TRAPPC9: variants seen among roughly 807,000 people sequenced by gnomAD.
TRAPPC9 encodes IKK2 binding protein.
In TRAPPC9, 83 loss-of-function variants were observed where a neutral mutation model predicts 124.0. That is an observed-to-expected ratio of 0.67 (90% CI 0.56 to 0.80). The LOEUF is 0.80. Ranked by LOEUF, TRAPPC9 falls within the 30% of genes least tolerant of loss-of-function variation. The pLI is 0.00. For synonymous variants in TRAPPC9, 638 were observed against 617.5 expected (o/e 1.03, Z -0.49); for missense variants, 1,302 against 1,508.3 (o/e 0.86, Z 2.27).
chr8:140,315,105 T>C (rs2066407983), intron 9 of TRAPPC9, among the ~76,000 whole-genome samples: 1 of 152,214 alleles, frequency 6.6e-6, no homozygotes, highest in Non-Finnish European at 1.5e-5. Context: ...ACATTTCATC[T>C]TTTGACTTTT....
chr8:140,242,475 A>G (rs1393424018), intron 16 of TRAPPC9, among the ~76,000 whole-genome samples: 3 of 152,220 alleles, frequency 2.0e-5, no homozygotes, highest in Admixed American at 6.5e-5. Flanking sequence ...ACTTCCCAGC[A>G]GATGATAATG....
At chr8:139,943,695 A>G (rs1034826851) in intron 19 of TRAPPC9, among the ~76,000 whole-genome samples, 5 of 152,258 alleles carry the variant, frequency 3.3e-5, no homozygotes, top group African/African-American at 1.2e-4. Flanking sequence ...AGGAAAACTC[A>G]GCAGACAGAT....
chr8:139,796,072 G>GGAA (rs1823054233), intron 21 of TRAPPC9, among the ~76,000 whole-genome samples: 2 of 144,982 alleles, frequency 1.4e-5, no homozygotes, highest in African/African-American at 5.3e-5. Context: ...AAGAAGAGGA[G>GGAA]GAGGAAGAGG....
intron 21 of TRAPPC9, among the ~76,000 whole-genome samples, chr8:139,821,619 C>T (rs1036327409): frequency 3.9e-5 from 6 of 152,244 alleles, no homozygotes; most frequent in African/African-American, 1.2e-4. Context: ...AGAAGATTAA[C>T]ACTTTCTATA....
intron 9 of TRAPPC9, among the ~76,000 whole-genome samples, chr8:140,357,016 A>G (rs1382575052): frequency 6.6e-6 from 1 of 152,216 alleles, no homozygotes; most frequent in Non-Finnish European, 1.5e-5. Context: ...ACACCTCAGC[A>G]GCCATGCACT....
chr8:139,981,132 A>T (rs1298868509), intron 19 of TRAPPC9, among the ~76,000 whole-genome samples: 1 of 152,060 alleles, frequency 6.6e-6, no homozygotes, highest in African/African-American at 2.4e-5. Flanking sequence ...CCTATTAATC[A>T]CTGGGAGGTC....
intron 15 of TRAPPC9, among the ~76,000 whole-genome samples, chr8:140,261,531 G>A (rs1159551866): frequency 6.6e-6 from 1 of 152,120 alleles, no homozygotes; most frequent in Non-Finnish European, 1.5e-5. Context: ...CCCAAGCCAG[G>A]GTAGCATATA....
intron 21 of TRAPPC9, among the ~76,000 whole-genome samples, chr8:139,791,976 T>C (rs540842300): frequency 6.7e-4 from 102 of 152,210 alleles, no homozygotes; most frequent in Middle Eastern, 3.4e-3. Flanking sequence ...GAGCTACTTG[T>C]CCATACCCCA....
chr8:139,936,475 T>G (rs1012643879), intron 19 of TRAPPC9, among the ~76,000 whole-genome samples: 2 of 152,258 alleles, frequency 1.3e-5, no homozygotes, highest in South Asian at 2.1e-4. Context: ...GTACCAGAGC[T>G]GGGAGCCCAT....
intron 5 of TRAPPC9, among the ~76,000 whole-genome samples, chr8:140,424,932 G>A (rs1185428757): frequency 6.6e-6 from 1 of 152,204 alleles, no homozygotes; most frequent in African/African-American, 2.4e-5. Flanking sequence ...TGAAAGTGAT[G>A]TAATTTTGTG....
At chr8:139,943,799 T>A (rs1294469680) in intron 19 of TRAPPC9, among the ~76,000 whole-genome samples, 1 of 151,904 alleles carries the variant, frequency 6.6e-6, no homozygotes, top group Non-Finnish European at 1.5e-5. Flanking sequence ...AGAATGAAAG[T>A]GATGGAGGAA....
At chr8:140,277,820 C>G (rs1453724247) in intron 14 of TRAPPC9, among the ~76,000 whole-genome samples, 1 of 152,240 alleles carries the variant, frequency 6.6e-6, no homozygotes, top group Non-Finnish European at 1.5e-5. Flanking sequence ...GGACCGGGAG[C>G]TTCTTGGCAG....
intron 21 of TRAPPC9, among the ~76,000 whole-genome samples, chr8:139,844,560 G>A (rs887493511): frequency 6.6e-6 from 1 of 152,242 alleles, no homozygotes; most frequent in Non-Finnish European, 1.5e-5. Context: ...CTATGGCTGG[G>A]CTGGTCCTGT....
chr8:140,040,149 T>G (rs929998284), intron 17 of TRAPPC9: 1 of 152,262 alleles, frequency 6.6e-6, no homozygotes. Context: ...CCCTCGAGAC[T>G]GTCAGCAGTG....
intron 9 of TRAPPC9, among the ~76,000 whole-genome samples, chr8:140,318,795 A>C (rs999331443): frequency 6.6e-6 from 1 of 152,250 alleles, no homozygotes; most frequent in Admixed American, 6.5e-5. Flanking sequence ...ACAGCAATAA[A>C]GTTTAATGGG....
At chr8:140,361,780 G>C (rs909934534) in intron 8 of TRAPPC9, among the ~76,000 whole-genome samples, 2 of 152,108 alleles carry the variant, frequency 1.3e-5, no homozygotes, top group Non-Finnish European at 2.9e-5. Flanking sequence ...TCCTGTACCT[G>C]AAGACTGTGC....
chr8:139,824,113 C>T (rs930042887), intron 21 of TRAPPC9, among the ~76,000 whole-genome samples: 1 of 152,210 alleles, frequency 6.6e-6, no homozygotes, highest in South Asian at 2.1e-4. Context: ...ATGTCTTCCC[C>T]ATTTTACAAG....
chr8:140,356,332 C>A (rs1360543587), intron 9 of TRAPPC9, among the ~76,000 whole-genome samples: 1 of 152,232 alleles, frequency 6.6e-6, no homozygotes, highest in Non-Finnish European at 1.5e-5. Context: ...ACACAATCTA[C>A]TTCTCAGTGC....
chr8:140,389,498 G>A (rs753646731), intron 7 of TRAPPC9, among the ~76,000 whole-genome samples: 11 of 152,128 alleles, frequency 7.2e-5, no homozygotes, highest in Non-Finnish European at 1.6e-4. Flanking sequence ...GAGTGCCACA[G>A]GATGGAACAT....
Sources: gnomAD v4.1 joint callset for allele counts (sites outside exome capture counted in the v4.1 genomes callset) on GRCh38, gnomAD v4.1.1 for gene constraint, MANE v1.5 for transcripts, NCBI Gene and HGNC (gene_info 2026-07-23, HGNC 2026-07-21) for gene names.